Variants in GSG1L observed in about 807,000 individuals in gnomAD.
The protein encoded by GSG1L is GSG1 like.
In GSG1L, 24 loss-of-function variants were observed where a neutral mutation model predicts 42.1. The observed-to-expected ratio is 0.57, with a 90% CI of 0.41 to 0.80. GSG1L has a LOEUF of 0.80. Among genes scored for constraint, GSG1L ranks in the 30% least tolerant of loss-of-function variants. The pLI, the probability that GSG1L is intolerant of heterozygous loss-of-function variation, is 0.00. For missense variants in GSG1L, 445 were observed against 472.2 expected (o/e 0.94, Z 0.53); for synonymous variants, 215 against 203.5 (o/e 1.06, Z -0.48).
intron 2 of GSG1L, among the ~76,000 whole-genome samples, chr16:27,888,349 G>A (rs905962518): frequency 1.3e-5 from 2 of 152,170 alleles, no homozygotes; most frequent in Non-Finnish European, 2.9e-5. Flanking sequence ...AAATAGGCAC[G>A]GGTACCCCGA....
Position 27,997,309 on chromosome 16 carries a change from CTTTTTTTTTT to C in GSG1L, c.350-34116_350-34107del, listed in dbSNP as rs34188570. 1.4e-4 allele frequency among the ~76,000 whole-genome samples: 10 copies of C among 70,594 alleles called. No homozygotes were observed. In the East Asian group the frequency reaches 1.9e-3, roughly 14 times the overall value. 46.3% of individuals were successfully genotyped at this position (70,594 alleles called of 152,430 possible). A position where few individuals can be genotyped will look rare whatever the true frequency, so the allele number is the denominator to read the frequency against. ...GCCTACAGCTGGGAAGTGTTCTCCA[CTTTTTTTTTT>C]TTTTTTTTTTTTTTTTTTGAGACAG... On this transcript the variant is annotated intron_variant, in intron 1 of 6. Coordinates refer to ENST00000447459, the MANE Select transcript of GSG1L (RefSeq NM_001109763.2).
chr16:28,062,645 AC>A (rs2086355743), intron 1 of GSG1L, among the ~76,000 whole-genome samples: 1 of 151,320 alleles, frequency 6.6e-6, no homozygotes, highest in African/African-American at 2.4e-5. Flanking sequence ...TCCCTGCATC[AC>A]CCCCACCCCC....
At chr16:27,995,890 A>ACG (rs1221201267) in intron 1 of GSG1L, among the ~76,000 whole-genome samples, 2 of 148,656 alleles carry the variant, frequency 1.3e-5, no homozygotes, top group Non-Finnish European at 3.0e-5. Context: ...TAAAACACAC[A>ACG]CACACACACA....
intron 5 of GSG1L, 64 bp from the exon 6 acceptor site, chr16:27,807,618 A>G: frequency 7.1e-7 from 1 of 1,409,696 alleles, no homozygotes; most frequent in Non-Finnish European, 9.8e-7. Context: ...GTGGGCAGAG[A>G]CCCAAAACCT....
At chr16:28,011,835 A>G (rs1404143841) in intron 1 of GSG1L, among the ~76,000 whole-genome samples, 1 of 152,192 alleles carries the variant, frequency 6.6e-6, no homozygotes, top group Non-Finnish European at 1.5e-5. Context: ...TTAAGCCGCT[A>G]TAATTTTGGG....
chr16:27,795,860 A>ATCAC (rs1315554318), intron 6 of GSG1L, among the ~76,000 whole-genome samples: 1 of 152,206 alleles, frequency 6.6e-6, no homozygotes, highest in Non-Finnish European at 1.5e-5. Context: ...TCAGTGAAGA[A>ATCAC]TCACTGTCTT....
At chr16:27,913,551 A>G (rs2141054906) in intron 2 of GSG1L, among the ~76,000 whole-genome samples, 1 of 152,368 alleles carries the variant, frequency 6.6e-6, no homozygotes, top group East Asian at 1.9e-4. Flanking sequence ...TTGTCAAACT[A>G]CAGCCTATGG....
rs969459102 is a variant in GSG1L at position 27,787,678 on chromosome 16, T to G, written c.*3692A>C. 1.3e-5 allele frequency: 2 copies of G among 152,230 alleles called. No individual in the cohort carries two copies. Among genetic ancestry groups the G allele is most frequent in the African/African-American group, 4.8e-5 (2 of 41,452 alleles). The allele number at this position is 152,230 out of a possible 1,614,324, so 9.4% of individuals were successfully genotyped here. A position where few individuals can be genotyped will look rare whatever the true frequency, so the allele number is the denominator to read the frequency against. ...CTGTACATTTTTTTCTAATACACAT[T>G]TACATAAACACAACTATTAAAATAG... is the stretch of plus-strand genomic sequence containing the variant. On this transcript the variant is annotated 3_prime_UTR_variant, in exon 7 of 7. Transcript: ENST00000447459.
intron 3 of GSG1L, among the ~76,000 whole-genome samples, chr16:27,876,739 G>A (rs1407072754): frequency 6.6e-6 from 1 of 152,136 alleles, no homozygotes; most frequent in Admixed American, 6.5e-5. Context: ...AAACACACTG[G>A]TGGCACCCAC....
At chr16:27,956,814 CTG>C (rs1479305749) in intron 2 of GSG1L, among the ~76,000 whole-genome samples, 1 of 151,436 alleles carries the variant, frequency 6.6e-6, no homozygotes, top group Non-Finnish European at 1.5e-5. Context: ...AAAAAAAAAA[CTG>C]TGTGAATGCC....
chr16:27,852,395 TG>T (rs1222209529), intron 3 of GSG1L, among the ~76,000 whole-genome samples: 1 of 150,862 alleles, frequency 6.6e-6, no homozygotes, highest in African/African-American at 2.4e-5. Flanking sequence ...TCCATTGGGA[TG>T]GGAGAGGCAG....
intron 6 of GSG1L, among the ~76,000 whole-genome samples, chr16:27,806,082 G>T (rs747206216): frequency 2.0e-5 from 3 of 151,998 alleles, no homozygotes; most frequent in African/African-American, 4.8e-5. Flanking sequence ...CGTCTCTGAT[G>T]ATTTCTTCAC....
Position 28,063,474 on chromosome 16 carries a change from C to A in GSG1L, c.-50G>T. The stretch of plus-strand genomic sequence containing the variant: ...CTGCACCGCCGGGGAGCTCCGCGCG[C>A]GAAGTTGGCAGCTGGCGCCCCGCGT... On this transcript the variant is annotated 5_prime_UTR_variant, in exon 1 of 7. Coordinates refer to ENST00000447459, the MANE Select transcript of GSG1L (RefSeq NM_001109763.2). The surrounding 1 kb of genome is among the most constrained non-coding windows in gnomAD (Gnocchi z 5.8). The A allele has an allele frequency of 7.2e-6, 8 of 1,114,880 alleles. No individual in the cohort carries two copies. The highest frequency in any genetic ancestry group is 8.8e-6 in the Non-Finnish European group (8 of 907,636). 69.1% of individuals were successfully genotyped at this position (1,114,880 alleles called of 1,614,324 possible).
In GSG1L at chr16:27,989,774, G is replaced by A. The variant is rs886280932; in HGVS notation, c.350-26571C>T. On this transcript the variant is annotated intron_variant, in intron 1 of 6. Transcript: ENST00000447459. ...AACAACAAACAATTATATGGGAAAC[G>A]TTGTCAAATAAGAAATGGTGTTTAA... is the stretch of plus-strand genomic sequence containing the variant. Among the ~76,000 whole-genome samples the A allele has an allele frequency of 4.0e-5, 6 of 151,464 alleles. No individual in the cohort carries two copies. In the East Asian group the frequency reaches 5.8e-4, roughly 15 times the overall value.
chr16:27,859,036 C>A (rs1377303916), intron 3 of GSG1L, among the ~76,000 whole-genome samples: 1 of 152,134 alleles, frequency 6.6e-6, no homozygotes, highest in Admixed American at 6.5e-5. Context: ...GTTTCAGACC[C>A]AGGGCAGGGA....
intron 5 of GSG1L, among the ~76,000 whole-genome samples, chr16:27,823,033 T>C (rs2083166548): frequency 6.6e-6 from 1 of 152,164 alleles, no homozygotes; most frequent in Non-Finnish European, 1.5e-5. Context: ...TGGGATCCAA[T>C]CCAACAGGTC....
At chr16:27,856,158 C>A (rs886305204) in intron 3 of GSG1L, among the ~76,000 whole-genome samples, 6 of 116,406 alleles carry the variant, frequency 5.2e-5, no homozygotes, top group Non-Finnish European at 9.2e-5. Flanking sequence ...GGAATGTGCA[C>A]CCCCCCCCAT....
chr16:27,888,499 C>CTTTCTT (rs2084074564), intron 2 of GSG1L, among the ~76,000 whole-genome samples: 1 of 6,464 alleles, frequency 1.5e-4, no homozygotes, highest in Non-Finnish European at 3.8e-4. Context: ...TTCTTTCTTT[C>CTTTCTT]TTTCTTTCTT....
At chr16:27,904,615 G>A (rs1178735373) in intron 2 of GSG1L, among the ~76,000 whole-genome samples, 2 of 151,996 alleles carry the variant, frequency 1.3e-5, no homozygotes, top group Non-Finnish European at 2.9e-5. Flanking sequence ...GTTTCTTCCA[G>A]GGCCCTAAGT....
Sources: allele counts gnomAD v4.1 joint callset (sites outside exome capture counted in the v4.1 genomes callset), GRCh38; gene constraint gnomAD v4.1.1; non-coding constraint Gnocchi (gnomAD v3.1); transcripts MANE v1.5; gene names NCBI Gene and HGNC (gene_info 2026-07-23, HGNC 2026-07-21).